Variants in TLN2 observed in about 807,000 individuals in gnomAD.
The protein encoded by TLN2 is talin 2.
In TLN2, 118 loss-of-function variants were observed where a neutral mutation model predicts 294.7. The observed-to-expected ratio is 0.40, with a 90% CI of 0.34 to 0.47. The LOEUF is 0.47. TLN2 is among the 20% of genes least tolerant of loss of function. TLN2 has a pLI of 0.84. For missense variants in TLN2, 3,083 were observed against 3,282.2 expected (o/e 0.94, Z 1.48); for synonymous variants, 1,431 against 1,304.5 (o/e 1.10, Z -2.09).
chr15:62,802,411 TACACACACACACACAC>T (rs60573464), intron 50 of TLN2, among the ~76,000 whole-genome samples: 2 of 149,730 alleles, frequency 1.3e-5, no homozygotes, highest in African/African-American at 4.9e-5. Flanking sequence ...TATACAATGG[TACACACACACACACAC>T]ACACACACAC....
At chr15:62,679,257 C>A (rs2056565997) in intron 11 of TLN2, among the ~76,000 whole-genome samples, 1 of 152,136 alleles carries the variant, frequency 6.6e-6, no homozygotes, top group Non-Finnish European at 1.5e-5. Flanking sequence ...TATGATCCAG[C>A]AATCCCACTT....
Position 62,503,766 on chromosome 15 carries a change from C to G in TLN2, c.-237-85921C>G, listed in dbSNP as rs562655543. On this transcript the variant is annotated intron_variant, in intron 1 of 58. Transcript: ENST00000636159. ...TCATCTTTATTGGTTTCTTCTCATT[C>G]CTCTCCGTTCTGTGAGCTTGTCAGA... Among the ~76,000 whole-genome samples, 29 of 152,302 alleles carry G rather than the reference C, an allele frequency of 1.9e-4. 1 individual carries two copies. Among genetic ancestry groups the G allele is most frequent in the Middle Eastern group, 3.4e-3 (1 of 294 alleles).
chr15:62,802,745 C>T (rs184981459), intron 50 of TLN2, among the ~76,000 whole-genome samples: 11 of 152,162 alleles, frequency 7.2e-5, no homozygotes, highest in Non-Finnish European at 1.5e-4. Flanking sequence ...TTTGTTATTG[C>T]CTGCCTTTTG....
intron 1 of TLN2, among the ~76,000 whole-genome samples, chr15:62,410,168 G>T (rs909025276): frequency 1.3e-5 from 2 of 152,070 alleles, no homozygotes; most frequent in Non-Finnish European, 2.9e-5. Context: ...CTTGAACCCG[G>T]GAGACGGAGG....
intron 9 of TLN2, 126 bp from the exon 10 acceptor site, chr15:62,673,701 A>T: frequency 1.5e-6 from 1 of 655,248 alleles, no homozygotes; most frequent in Non-Finnish European, 2.6e-6. Context: ...GCAGTCTGTT[A>T]TTAATTACTC....
At chr15:62,794,659 G>A (rs1485952058) in intron 46 of TLN2, among the ~76,000 whole-genome samples, 1 of 152,184 alleles carries the variant, frequency 6.6e-6, no homozygotes, top group Non-Finnish European at 1.5e-5. Context: ...GGACCTAGTA[G>A]CATTTGAAAG....
At chr15:62,478,981 A>G (rs890321314) in intron 1 of TLN2, among the ~76,000 whole-genome samples, 1 of 152,250 alleles carries the variant, frequency 6.6e-6, no homozygotes, top group Non-Finnish European at 1.5e-5. Context: ...AGGCAATGGC[A>G]GATGGGAAAC....
In TLN2 at chr15:62,842,771, AT is replaced by A. The variant is rs2070839632; in HGVS notation, c.*2166del. On this transcript the variant is annotated 3_prime_UTR_variant, in exon 59 of 59. Coordinates refer to ENST00000636159, the MANE Select transcript of TLN2 (RefSeq NM_015059.3). ...TCTAAAGAACAGGCATCGAAAGTTT[AT>A]TTTTGTAGGAGCTATATAAATACTC... 1 of 152,134 alleles carries A rather than the reference AT, an allele frequency of 6.6e-6. No individual in the cohort carries two copies. The highest frequency in any genetic ancestry group is 2.1e-4 in the South Asian group (1 of 4,822). 9.4% of individuals were successfully genotyped at this position (152,134 alleles called of 1,614,324 possible).
At chr15:62,812,029 A>G (rs913446102) in intron 52 of TLN2, among the ~76,000 whole-genome samples, 1 of 150,944 alleles carries the variant, frequency 6.6e-6, no homozygotes, top group Non-Finnish European at 1.5e-5. Context: ...AAATAAATAA[A>G]TAAATAAATA....
At chr15:62,577,903 C>T (rs909958892) in intron 1 of TLN2, among the ~76,000 whole-genome samples, 1 of 152,142 alleles carries the variant, frequency 6.6e-6, no homozygotes, top group African/African-American at 2.4e-5. Context: ...TCCATGTGTT[C>T]TCATTGTTCA....
chr15:62,784,000 A>G, intron 45 of TLN2, 110 bp downstream of exon 45: 4 of 1,554,182 alleles, frequency 2.6e-6, no homozygotes, highest in Non-Finnish European at 3.5e-6. Context: ...CCCAGTAACC[A>G]GAGCCCAGTT....
intron 2 of TLN2, among the ~76,000 whole-genome samples, chr15:62,595,346 G>A (rs528867961): frequency 8.0e-5 from 12 of 150,732 alleles, no homozygotes; most frequent in African/African-American, 2.4e-4. Flanking sequence ...CTTGAACCTG[G>A]GAGGTAGAGG....
In TLN2 at chr15:62,402,449, C is replaced by T. The variant is rs571805960; in HGVS notation, c.-238+11764C>T. On this transcript the variant is annotated intron_variant, in intron 1 of 58. Coordinates refer to ENST00000636159, the MANE Select transcript of TLN2 (RefSeq NM_015059.3). ...TGGCCCTTTCTTTTTCATTGTCCAT[C>T]ATCCCTTTCTTGTCCTCCTTACCCA... is the stretch of plus-strand genomic sequence containing the variant. Among the ~76,000 whole-genome samples the T allele has an allele frequency of 2.6e-5, 4 of 152,282 alleles. No homozygotes were observed. In the South Asian group the frequency reaches 8.3e-4, roughly 32 times the overall value.
In TLN2 at chr15:62,566,531, C is replaced by A. The variant is rs796558215; in HGVS notation, c.-237-23156C>A. ...ATGGGGTATAGGGGAACTGGATGAC[C>A]AGGCTTAGGAGGGAAGTGAGCACAT... is the stretch of plus-strand genomic sequence containing the variant. On this transcript the variant is annotated intron_variant, in intron 1 of 58. Coordinates refer to ENST00000636159, the MANE Select transcript of TLN2 (RefSeq NM_015059.3). 1.5e-4 allele frequency among the ~76,000 whole-genome samples: 23 copies of A among 151,706 alleles called. 1 individual carries two copies. Among genetic ancestry groups the A allele is most frequent in the African/African-American group, 5.6e-4 (23 of 41,328 alleles).
In TLN2 at chr15:62,766,785, G is replaced by A. The variant is rs559587692; in HGVS notation, c.5196+363G>A. On this transcript the variant is annotated intron_variant, in intron 41 of 58. Transcript: ENST00000636159. ...GTCTGCCACCTTTGGCTGGCTGGCC[G>A]GCCAGCCCCATTCTGGTATGTTTAA... is the stretch of plus-strand genomic sequence containing the variant. Among the ~76,000 whole-genome samples the A allele has an allele frequency of 3.9e-5, 6 of 152,238 alleles. No homozygotes were observed. The East Asian group carries it at 7.7e-4, about 20-fold the overall frequency.
intron 41 of TLN2, among the ~76,000 whole-genome samples, chr15:62,770,118 C>T (rs983512327): frequency 2.0e-5 from 3 of 152,194 alleles, no homozygotes; most frequent in African/African-American, 7.2e-5. Context: ...GGTGGGATGC[C>T]GCTGTCTCCA....
chr15:62,811,824 C>G (rs959344645), intron 52 of TLN2, among the ~76,000 whole-genome samples: 1 of 152,034 alleles, frequency 6.6e-6, no homozygotes, highest in African/African-American at 2.4e-5. Flanking sequence ...CTAGCCTGGC[C>G]AACACTGTGA....
In TLN2 at chr15:62,840,665, A is replaced by C. The variant is rs1004191059; in HGVS notation, c.*55A>C. The C allele has an allele frequency of 6.3e-7, 1 of 1,581,574 alleles. No homozygotes were observed. The highest frequency in any genetic ancestry group is 1.8e-5 in the Admixed American group (1 of 54,576). The stretch of plus-strand genomic sequence containing the variant: ...GGATGGCCCTGGCTGAACTGGACAG[A>C]CAGTGTTCCTGAGAGGCTGGGCACT... On this transcript the variant is annotated 3_prime_UTR_variant, in exon 59 of 59. Coordinates refer to ENST00000636159, the MANE Select transcript of TLN2 (RefSeq NM_015059.3).
rs1567427476 is a variant in TLN2 at position 62,712,044 on chromosome 15, T to A, written c.2601T>A (p.Ala867=). Residue 867 remains alanine (A), a synonymous_variant, in exon 22 of 59, where the codon GCT becomes GCA. Transcript: ENST00000636159. The stretch of plus-strand genomic sequence containing the variant: ...TCCTGGCAGCAGCAAAACTCTTAGC[T>A]GACTCCACTGCTCGCATGGTGGAAG... ...KKLLAAAKLL[A]DSTARMVEAA... The A allele has an allele frequency of 6.2e-7, 1 of 1,614,070 alleles. No individual in the cohort carries two copies. Among genetic ancestry groups the A allele is most frequent in the Non-Finnish European group, 8.5e-7 (1 of 1,180,010 alleles).
Sources: gnomAD v4.1 joint callset for allele counts (sites outside exome capture counted in the v4.1 genomes callset) on GRCh38, gnomAD v4.1.1 for gene constraint, MANE v1.5 for transcripts, NCBI Gene and HGNC (gene_info 2026-07-23, HGNC 2026-07-21) for gene names.